The following SYT9 variants were observed in gnomAD, a reference collection of about 807,000 sequenced individuals.
SYT9 encodes synaptotagmin-9.
In SYT9, 22 loss-of-function variants were observed where a neutral mutation model predicts 48.4. The ratio of observed to expected loss-of-function variants is 0.45; its 90% CI spans 0.32 to 0.65. SYT9 has a LOEUF of 0.65. Ranked by LOEUF, SYT9 falls within the 30% of genes least tolerant of loss-of-function variation. The pLI, the probability that SYT9 is intolerant of heterozygous loss-of-function variation, is 0.03. For synonymous variants in SYT9, 265 were observed against 245.0 expected (o/e 1.08, Z -0.76); for missense variants, 577 against 622.0 (o/e 0.93, Z 0.77).
At chr11:7,242,279 T>C (rs1303124884) in intron 1 of SYT9, among the ~76,000 whole-genome samples, 1 of 152,144 alleles carries the variant, frequency 6.6e-6, no homozygotes, top group Non-Finnish European at 1.5e-5. Flanking sequence ...TATTGGCTAT[T>C]TGGGACTATT....
Position 7,407,423 on chromosome 11 carries a change from G to T in SYT9, c.1045-8619G>T, listed in dbSNP as rs1353732072. Among the ~76,000 whole-genome samples the T allele has an allele frequency of 5.4e-5, 5 of 93,256 alleles. 1 individual carries two copies. Among genetic ancestry groups the T allele is most frequent in the African/African-American group, 3.9e-4 (5 of 12,676 alleles). 61.2% of individuals were successfully genotyped at this position (93,256 alleles called of 152,430 possible). Reference sequence around the variant, plus strand: ...GAGTCTCGCTCTGTCGCCCAGGCCGGACTGCGGACTGCAGTGGCGCAATCT... The same window carrying T: ...GAGTCTCGCTCTGTCGCCCAGGCCGTACTGCGGACTGCAGTGGCGCAATCT... On this transcript the variant is annotated intron_variant, in intron 3 of 6. Coordinates refer to ENST00000318881, the MANE Select transcript of SYT9 (RefSeq NM_175733.4).
At chr11:7,422,834 G>C (rs1481019490) in intron 6 of SYT9, among the ~76,000 whole-genome samples, 1 of 152,186 alleles carries the variant, frequency 6.6e-6, no homozygotes. Context: ...ACACAAAGGA[G>C]AGTGCAGGGA....
intron 3 of SYT9, among the ~76,000 whole-genome samples, chr11:7,406,550 ATATAT>A (rs1437585386): frequency 6.7e-6 from 1 of 148,344 alleles, no homozygotes; most frequent in Non-Finnish European, 1.5e-5. Context: ...ATATATATAT[ATATAT>A]ATATATATAT....
At chr11:7,406,768 C>A (rs1847023635) in intron 3 of SYT9, among the ~76,000 whole-genome samples, 1 of 151,982 alleles carries the variant, frequency 6.6e-6, no homozygotes, top group Admixed American at 6.6e-5. Flanking sequence ...GAGAAGACTC[C>A]ATGTTGTTTT....
chr11:7,309,853 C>T (rs1467793309), intron 2 of SYT9, among the ~76,000 whole-genome samples: 1 of 152,114 alleles, frequency 6.6e-6, no homozygotes, highest in Non-Finnish European at 1.5e-5. Flanking sequence ...TCTCTTCTTC[C>T]GTGCCTCTCC....
intron 1 of SYT9, among the ~76,000 whole-genome samples, chr11:7,268,720 T>A (rs1848238827): frequency 1.3e-5 from 2 of 152,064 alleles, no homozygotes. Context: ...TCTCTGGTTT[T>A]AAAAATATAA....
At chr11:7,334,532 A>G (rs1355315196) in intron 3 of SYT9, among the ~76,000 whole-genome samples, 1 of 152,204 alleles carries the variant, frequency 6.6e-6, no homozygotes, top group African/African-American at 2.4e-5. Context: ...TTTGACATAT[A>G]TATACATTTG....
intron 3 of SYT9, among the ~76,000 whole-genome samples, chr11:7,351,887 T>C (rs1849922457): frequency 6.6e-6 from 1 of 152,052 alleles, no homozygotes; most frequent in South Asian, 2.1e-4. Context: ...TCAGAGTCTG[T>C]TGTATGGGTG....
intron 3 of SYT9, among the ~76,000 whole-genome samples, chr11:7,382,439 C>T (rs1290025796): frequency 6.6e-6 from 1 of 151,636 alleles, no homozygotes; most frequent in Non-Finnish European, 1.5e-5. Context: ...TTTTTCCAAA[C>T]TGAGATTCAT....
chr11:7,264,005 T>A (rs142417336), intron 1 of SYT9, among the ~76,000 whole-genome samples: 2 of 152,100 alleles, frequency 1.3e-5, no homozygotes, highest in Non-Finnish European at 1.5e-5. Context: ...AGTGATGTGC[T>A]GAGTAGGTTG....
At chr11:7,322,998 G>T (rs1195093209) in intron 3 of SYT9, among the ~76,000 whole-genome samples, 1 of 152,070 alleles carries the variant, frequency 6.6e-6, no homozygotes, top group Non-Finnish European at 1.5e-5. Flanking sequence ...AATAATTTAT[G>T]TTCATGTACA....
At chr11:7,451,841 C>G (rs538996393) in intron 6 of SYT9, among the ~76,000 whole-genome samples, 1 of 152,180 alleles carries the variant, frequency 6.6e-6, no homozygotes, top group African/African-American at 2.4e-5. Context: ...GATAATGAGT[C>G]CTGATGACAC....
chr11:7,464,617 C>T (rs1165971607), intron 6 of SYT9, among the ~76,000 whole-genome samples: 1 of 152,130 alleles, frequency 6.6e-6, no homozygotes, highest in East Asian at 1.9e-4. Flanking sequence ...TGGGCTGATA[C>T]CATCACAACT....
chr11:7,427,265 TA>T (rs1309034450), intron 6 of SYT9: 1 of 152,238 alleles, frequency 6.6e-6, no homozygotes, highest in African/African-American at 2.4e-5. Flanking sequence ...AGATGGCCCT[TA>T]TTAAGCTCCA....
intron 3 of SYT9, among the ~76,000 whole-genome samples, chr11:7,358,556 A>C (rs544715310): frequency 6.6e-6 from 1 of 152,196 alleles, no homozygotes; most frequent in Non-Finnish European, 1.5e-5. Context: ...GTGTTTCATC[A>C]TTAAGAATGA....
intron 3 of SYT9, among the ~76,000 whole-genome samples, chr11:7,341,158 G>A (rs1035101089): frequency 6.6e-6 from 1 of 152,220 alleles, no homozygotes; most frequent in Non-Finnish European, 1.5e-5. Context: ...GCATGAAAAT[G>A]CAGTCTTCCT....
chr11:7,466,386 A>T (rs1848335052), intron 6 of SYT9, among the ~76,000 whole-genome samples: 1 of 152,138 alleles, frequency 6.6e-6, no homozygotes, highest in Non-Finnish European at 1.5e-5. Flanking sequence ...TAGTATCCCC[A>T]GCATCTATTA....
At chr11:7,366,963 A>C (rs978677368) in intron 3 of SYT9, among the ~76,000 whole-genome samples, 13 of 151,018 alleles carry the variant, frequency 8.6e-5, no homozygotes, top group African/African-American at 2.9e-4. Flanking sequence ...CTTATGACTT[A>C]TAGATATTAT....
At chr11:7,456,485 G>A (rs2134154311) in intron 6 of SYT9, among the ~76,000 whole-genome samples, 1 of 152,356 alleles carries the variant, frequency 6.6e-6, no homozygotes, top group South Asian at 2.1e-4. Flanking sequence ...GCAAATGAGA[G>A]CTAGAGGACC....
Sources: allele counts gnomAD v4.1 joint callset (sites outside exome capture counted in the v4.1 genomes callset), GRCh38; gene constraint gnomAD v4.1.1; transcripts MANE v1.5; gene names NCBI Gene and HGNC (gene_info 2026-07-23, HGNC 2026-07-21).